Variants in BAD observed in about 807,000 individuals in gnomAD.
The protein encoded by BAD is BCL2 associated agonist of cell death, also known as bcl2-associated agonist of cell death.
Under a neutral mutation model 17.8 loss-of-function variants are expected in BAD, and 18 were observed. The observed-to-expected ratio is 1.01, with a 90% CI of 0.70 to 1.50. The LOEUF (loss-of-function observed/expected upper bound fraction) is 1.50, where lower values mean the gene tolerates loss of function less well. Among genes scored for constraint, BAD ranks in the 40% most tolerant of loss-of-function variants. The pLI is 0.00. For synonymous variants in BAD, 112 were observed against 91.5 expected (o/e 1.22, Z -1.28); for missense variants, 294 against 239.3 (o/e 1.23, Z -1.51).
intron 2 of BAD, among the ~76,000 whole-genome samples, chr11:64,273,093 A>G (rs2135099074): frequency 6.6e-6 from 1 of 151,868 alleles, no homozygotes; most frequent in Admixed American, 6.5e-5. Context: ...AGAAGGCCAG[A>G]CGTGGTGGCT....
chr11:64,282,988 G>A (rs573477088), intron 2 of BAD, among the ~76,000 whole-genome samples: 7 of 149,612 alleles, frequency 4.7e-5, no homozygotes, highest in African/African-American at 1.3e-4. Context: ...CAGAAGTTCC[G>A]GGCTGCAGTG....
At position 64,269,890 on chromosome 11, in the gene BAD, G is replaced by C; in HGVS notation, c.*319C>G. On this transcript the variant is annotated 3_prime_UTR_variant, in exon 4 of 4. Coordinates refer to ENST00000309032, the MANE Select transcript of BAD (RefSeq NM_032989.3). Reference sequence around the variant, plus strand: ...GTGAGCACGGCCCCCAGGGCATCGCGGGGGCTCGGGTCCCGGTGACGCAAC... The same window carrying C: ...GTGAGCACGGCCCCCAGGGCATCGCCGGGGCTCGGGTCCCGGTGACGCAAC... 1.4e-6 allele frequency: 1 copy of C among 698,856 alleles called. No individual in the cohort carries two copies. Among genetic ancestry groups the C allele is most frequent in the Non-Finnish European group, 2.6e-6 (1 of 384,500 alleles). The allele number at this position is 698,856 out of a possible 1,614,324, so 43.3% of individuals were successfully genotyped here. A position where few individuals can be genotyped will look rare whatever the true frequency, so the allele number is the denominator to read the frequency against.
At chr11:64,280,070 C>T (rs1249076778) in intron 2 of BAD, among the ~76,000 whole-genome samples, 1 of 151,824 alleles carries the variant, frequency 6.6e-6, no homozygotes, top group African/African-American at 2.4e-5. Flanking sequence ...GTAATCCCAG[C>T]ACTTTGGGAG....
Position 64,270,395 on chromosome 11 carries a change from C to A in BAD, c.379-58G>T. On this transcript the variant is annotated intron_variant, in intron 3 of 3. Transcript: ENST00000309032. ...GATTACCATGGCAGCTCGAGCCAGGCTCTCCACTTCCGTGAGCCTTCCTCT... is the reference window on the plus strand; with the variant it reads ...GATTACCATGGCAGCTCGAGCCAGGATCTCCACTTCCGTGAGCCTTCCTCT... The A allele has an allele frequency of 3.3e-6, 5 of 1,494,434 alleles. No individual in the cohort carries two copies. In the South Asian group the frequency reaches 6.6e-5, roughly 20 times the overall value. 92.6% of individuals were successfully genotyped at this position (1,494,434 alleles called of 1,614,324 possible).
At chr11:64,275,243 C>T (rs1565347217) in intron 2 of BAD, among the ~76,000 whole-genome samples, 1 of 151,876 alleles carries the variant, frequency 6.6e-6, no homozygotes, top group Admixed American at 6.6e-5. Flanking sequence ...CCTATAATCC[C>T]AGCACCTTGG....
chr11:64,274,352 A>T lies in BAD; in HGVS notation c.188-2549T>A, dbSNP rs1162532823. On this transcript the variant is annotated intron_variant, in intron 2 of 3. Transcript: ENST00000309032. ...CAGTGAGCTGAGATCACGCCACTGC[A>T]CTCCAGCCTGGGTGACAGAGTGAAA... Among the ~76,000 whole-genome samples the T allele has an allele frequency of 2.7e-5, 4 of 149,938 alleles. No homozygotes were observed. The East Asian group carries it at 7.9e-4, about 29-fold the overall frequency.
At chr11:64,282,881 G>GAAA (rs541902877) in intron 2 of BAD, among the ~76,000 whole-genome samples, 1 of 88,050 alleles carries the variant, frequency 1.1e-5, no homozygotes, top group African/African-American at 4.3e-5. Context: ...TCCGTCTCAG[G>GAAA]AAAAAAAAAA....
At chr11:64,270,472 C>T in intron 3 of BAD, 135 bp from the exon 4 acceptor site, 2 of 1,291,578 alleles carry the variant, frequency 1.5e-6, no homozygotes, top group Non-Finnish European at 1.0e-6. Flanking sequence ...GGAGGCTCCA[C>T]GCCGGGCGGT....
At chr11:64,272,315 A>G (rs930766315) in intron 2 of BAD, among the ~76,000 whole-genome samples, 24 of 147,560 alleles carry the variant, frequency 1.6e-4, no homozygotes, top group Non-Finnish European at 3.5e-4. Context: ...TTTTTTTCTC[A>G]AAAGAAAAAA....
intron 2 of BAD, chr11:64,276,298 T>TTG (rs1555068869): frequency 6.8e-6 from 1 of 146,068 alleles, no homozygotes; most frequent in African/African-American, 2.6e-5. Flanking sequence ...GTGTATATAT[T>TTG]TGTGTGTGTG....
chr11:64,272,314 C>G (rs1304536125), intron 2 of BAD, among the ~76,000 whole-genome samples: 8 of 142,084 alleles, frequency 5.6e-5, no homozygotes, highest in African/African-American at 2.0e-4. Flanking sequence ...CTTTTTTTCT[C>G]AAAAGAAAAA....
chr11:64,280,215 G>A (rs34298731), intron 2 of BAD, among the ~76,000 whole-genome samples: 15 of 150,660 alleles, frequency 1.0e-4, no homozygotes, highest in Admixed American at 9.2e-4. Context: ...AGCTACTCTG[G>A]AGGCTGAGGC....
intron 2 of BAD, among the ~76,000 whole-genome samples, chr11:64,278,521 G>A (rs1430109305): frequency 2.0e-5 from 3 of 151,970 alleles, no homozygotes; most frequent in Non-Finnish European, 2.9e-5. Flanking sequence ...TCAGGTCCTC[G>A]CCACAGCCCT....
chr11:64,270,381 CA>C, intron 3 of BAD, 44 bp from the exon 4 acceptor site: 1 of 1,508,556 alleles, frequency 6.6e-7, no homozygotes, highest in Non-Finnish European at 8.9e-7. Context: ...ATTACCATGG[CA>C]GCTCGAGCCA....
rs189581549 is a variant in BAD, at chr11:64,274,311, C to T, written c.188-2508G>A. 3.7e-3 allele frequency among the ~76,000 whole-genome samples: 560 copies of T among 151,768 alleles called. 8 individuals carry two copies. In the Middle Eastern group the frequency reaches 0.1, roughly 28 times the overall value. On this transcript the variant is annotated intron_variant, in intron 2 of 3. Transcript: ENST00000309032. ...GTGAGGCAGGACAATGGCGTGAACCCGGGAGGCGGAGCTTGCAGTGAGCTG... is the reference window on the plus strand; with the variant it reads ...GTGAGGCAGGACAATGGCGTGAACCTGGGAGGCGGAGCTTGCAGTGAGCTG...
chr11:64,280,332 A>AAATAAAAT (rs1555069779), intron 2 of BAD, among the ~76,000 whole-genome samples: 2 of 123,504 alleles, frequency 1.6e-5, no homozygotes, highest in South Asian at 2.9e-4. Context: ...AAATAAAATA[A>AAATAAAAT]AATAATAATA....
chr11:64,277,099 G>T, intron 2 of BAD: 1 of 669,504 alleles, frequency 1.5e-6, no homozygotes, highest in South Asian at 1.6e-5. Context: ...CTTGCACACT[G>T]AATTGCACAC....
intron 2 of BAD, among the ~76,000 whole-genome samples, chr11:64,282,874 G>A (rs866480354): frequency 2.1e-4 from 29 of 140,422 alleles, no homozygotes; most frequent in Admixed American, 5.2e-4. Context: ...GTGAGACTCC[G>A]TCTCAGGAAA....
chr11:64,284,639 C>G lies in BAD; in HGVS notation c.-17G>C, dbSNP rs1348131521. ...CGGCGCACAGGTCTCACCCCAAGCC[C>G]GATCTCGAGGCCCCTGACCCGGGCC... On this transcript the variant is annotated 5_prime_UTR_variant, in exon 1 of 4. Transcript: ENST00000309032. 9.8e-6 allele frequency: 15 copies of G among 1,529,862 alleles called. No individual in the cohort carries two copies. The Admixed American group carries it at 1.6e-4, about 16-fold the overall frequency. The allele number at this position is 1,529,862 out of a possible 1,614,324, so 94.8% of individuals were successfully genotyped here. A position where few individuals can be genotyped will look rare whatever the true frequency, so the allele number is the denominator to read the frequency against.
Sources: allele counts gnomAD v4.1 joint callset (sites outside exome capture counted in the v4.1 genomes callset), GRCh38; gene constraint gnomAD v4.1.1; transcripts MANE v1.5; gene names NCBI Gene and HGNC (gene_info 2026-07-23, HGNC 2026-07-21).